Variants in TRAK1 observed in about 807,000 individuals in gnomAD.
The protein encoded by TRAK1 is trafficking kinesin-binding protein 1.
A neutral mutation model predicts 92.1 loss-of-function variants in TRAK1; 33 were observed. That is an observed-to-expected ratio of 0.36 (90% CI 0.27 to 0.48). The LOEUF (loss-of-function observed/expected upper bound fraction) is 0.48. TRAK1 is among the 20% of genes least tolerant of loss of function. TRAK1 has a pLI of 0.99. For synonymous variants in TRAK1, 521 were observed against 517.3 expected (o/e 1.01, Z -0.10); for missense variants, 1,123 against 1,257.9 (o/e 0.89, Z 1.62).
rs1393168690 is a variant in TRAK1, at chr3:42,015,420, G to T, written c.-519+1303G>T. Among the ~76,000 whole-genome samples the T allele has an allele frequency of 2.0e-5, 3 of 152,064 alleles. No homozygotes were observed. In the East Asian group the frequency reaches 5.8e-4, roughly 29 times the overall value. ...TTTCCCATCCCCAGCGCTCGCTTGA[G>T]GGTGTCTCCACTCTGGCTGTGTTGC... On this transcript the variant is annotated intron_variant, in intron 1 of 16. Transcript: ENST00000487159.
At chr3:42,043,624 G>C (rs932773988) in intron 1 of TRAK1, among the ~76,000 whole-genome samples, 6 of 151,480 alleles carry the variant, frequency 4.0e-5, no homozygotes, top group Admixed American at 6.6e-5. Flanking sequence ...CTGGGGGGGG[G>C]GCGGGGGGAG....
intron 2 of TRAK1, among the ~76,000 whole-genome samples, chr3:42,158,772 T>C (rs1300221892): frequency 2.5e-5 from 3 of 122,276 alleles, no homozygotes; most frequent in African/African-American, 9.9e-5. Flanking sequence ...TGAAACCCCG[T>C]CTCCACAAAA....
chr3:42,193,932 T>C, intron 9 of TRAK1, 34 bp downstream of exon 9: 1 of 1,600,956 alleles, frequency 6.2e-7, no homozygotes. Flanking sequence ...TCAGTGCCTC[T>C]GATTGCAGCC....
chr3:42,115,507 C>T (rs1709059053), intron 1 of TRAK1, among the ~76,000 whole-genome samples: 1 of 152,152 alleles, frequency 6.6e-6, no homozygotes, highest in African/African-American at 2.4e-5. Flanking sequence ...GGGGCTGGTG[C>T]ATGTATGTGT....
chr3:42,217,093 C>T (rs1709792260), intron 14 of TRAK1: 1 of 236,926 alleles, frequency 4.2e-6, no homozygotes, highest in Non-Finnish European at 6.7e-6. Context: ...TTCTCTCTCT[C>T]TCTCTTTTTT....
chr3:42,217,898 C>T, intron 14 of TRAK1: 5 of 985,132 alleles, frequency 5.1e-6, no homozygotes, highest in Non-Finnish European at 6.0e-6. Flanking sequence ...ATTGGAGTTC[C>T]TGAGCCATTA....
At chr3:42,145,955 G>C (rs772717711) in intron 2 of TRAK1, 1 of 251,672 alleles carries the variant, frequency 4.0e-6, no homozygotes, top group East Asian at 1.3e-4. Flanking sequence ...CAAATTTGTC[G>C]ATATGTGTTT....
chr3:42,095,718 GTCATCA>G (rs1553713896), intron 1 of TRAK1, among the ~76,000 whole-genome samples: 23 of 151,188 alleles, frequency 1.5e-4, no homozygotes, highest in Non-Finnish European at 3.1e-4. Context: ...CTTTATCATC[GTCATCA>G]TCATCATCAT....
intron 1 of TRAK1, among the ~76,000 whole-genome samples, chr3:42,096,546 G>A (rs573481047): frequency 1.5e-4 from 23 of 152,312 alleles, no homozygotes; most frequent in Non-Finnish European, 2.8e-4. Context: ...GAGCCACCGC[G>A]CATGGCCAAA....
chr3:42,118,713 G>C (rs1232190138), intron 1 of TRAK1, among the ~76,000 whole-genome samples: 1 of 152,254 alleles, frequency 6.6e-6, no homozygotes, highest in African/African-American at 2.4e-5. Context: ...TCCTGGGTAG[G>C]AGGGTCCATT....
chr3:42,078,769 A>AAAAGAAAGAAAG (rs1553709701), intron 1 of TRAK1, among the ~76,000 whole-genome samples: 2 of 144,584 alleles, frequency 1.4e-5, no homozygotes, highest in East Asian at 2.0e-4. Context: ...AAAAAAAAAA[A>AAAAGAAAGAAAG]AAAGAAAGAA....
intron 1 of TRAK1, among the ~76,000 whole-genome samples, chr3:42,060,944 T>C (rs528981322): frequency 6.6e-6 from 1 of 152,058 alleles, no homozygotes; most frequent in African/African-American, 2.4e-5. Flanking sequence ...TTTGTTGTTG[T>C]TGTTTGTTTG....
intron 2 of TRAK1, among the ~76,000 whole-genome samples, chr3:42,130,318 G>GA (rs35970859): frequency 2.0e-3 from 286 of 146,176 alleles, no homozygotes; most frequent in African/African-American, 6.2e-3. Context: ...TTGATTGAGG[G>GA]AAAAAAAAAA....
intron 1 of TRAK1, among the ~76,000 whole-genome samples, chr3:42,102,279 C>T (rs1376944371): frequency 2.6e-5 from 4 of 152,226 alleles, no homozygotes; most frequent in Non-Finnish European, 5.9e-5. Flanking sequence ...AGCCACCGCG[C>T]CCAGCCAAAA....
At chr3:42,048,412 A>G (rs1702844655) in intron 1 of TRAK1, among the ~76,000 whole-genome samples, 2 of 152,148 alleles carry the variant, frequency 1.3e-5, no homozygotes, top group Non-Finnish European at 2.9e-5. Context: ...AAAAAAGGCA[A>G]ATGCTACTCA....
intron 1 of TRAK1, among the ~76,000 whole-genome samples, chr3:42,040,593 A>C (rs915562767): frequency 1.3e-5 from 2 of 152,096 alleles, no homozygotes; most frequent in African/African-American, 4.8e-5. Context: ...AAATGACCAT[A>C]AATGTAAGGG....
intron 1 of TRAK1, among the ~76,000 whole-genome samples, chr3:42,027,588 A>G (rs1399724786): frequency 6.6e-6 from 1 of 152,030 alleles, no homozygotes; most frequent in Non-Finnish European, 1.5e-5. Flanking sequence ...AAATATATCT[A>G]TTTTCAAAAA....
At chr3:42,096,346 G>A (rs557056147) in intron 1 of TRAK1, among the ~76,000 whole-genome samples, 5 of 152,122 alleles carry the variant, frequency 3.3e-5, no homozygotes, top group South Asian at 2.1e-4. Context: ...TCTGCCTCCC[G>A]GGTTCAAGTG....
chr3:42,217,002 G>A (rs1280299390), intron 14 of TRAK1, among the ~76,000 whole-genome samples: 1 of 151,932 alleles, frequency 6.6e-6, no homozygotes, highest in Non-Finnish European at 1.5e-5. Flanking sequence ...AGGGGGCTTT[G>A]GTGCGTGGCA....
Sources: allele counts gnomAD v4.1 joint callset (sites outside exome capture counted in the v4.1 genomes callset), GRCh38; gene constraint gnomAD v4.1.1; transcripts MANE v1.5; gene names NCBI Gene and HGNC (gene_info 2026-07-23, HGNC 2026-07-21).